The following CNTNAP2 variants were observed in gnomAD, a reference collection of about 807,000 sequenced individuals.
CNTNAP2 encodes the protein contactin-associated protein-like 2.
Under a neutral mutation model 155.2 loss-of-function variants are expected in CNTNAP2, and 98 were observed. The ratio of observed to expected loss-of-function variants is 0.63; its 90% confidence interval spans 0.54 to 0.75. CNTNAP2 has a LOEUF of 0.75. Among genes scored for constraint, CNTNAP2 ranks in the 30% least tolerant of loss-of-function variants. CNTNAP2 has a pLI of 0.00. For synonymous variants in CNTNAP2, 651 were observed against 631.2 expected, an observed-to-expected ratio of 1.03 and a Z score of -0.47; for missense variants, 1,727 against 1,688.1, an observed-to-expected ratio of 1.02 and a Z score of -0.40.
chr7:148,227,000 T>C (rs1391373667), intron 19 of CNTNAP2, among the ~76,000 whole-genome samples: 2 of 152,196 alleles, frequency 1.3e-5, no homozygotes, highest in Non-Finnish European at 2.9e-5. Context: ...AGGATCAAGT[T>C]TGCTGCAGAC....
At chr7:146,528,779 A>C (rs1797726800) in intron 1 of CNTNAP2, among the ~76,000 whole-genome samples, 1 of 152,146 alleles carries the variant, frequency 6.6e-6, no homozygotes, top group Non-Finnish European at 1.5e-5. Context: ...CATTCTTGTC[A>C]ACATATGAGA....
At chr7:146,195,591 T>G (rs543379555) in intron 1 of CNTNAP2, among the ~76,000 whole-genome samples, 91 of 152,360 alleles carry the variant, frequency 6.0e-4, no homozygotes, top group African/African-American at 2.1e-3. Context: ...ACTCTGTTAA[T>G]AGTTTTGCTA....
chr7:146,767,640 A>G (rs371710156), intron 1 of CNTNAP2, among the ~76,000 whole-genome samples: 7 of 152,170 alleles, frequency 4.6e-5, no homozygotes, highest in African/African-American at 1.7e-4. Context: ...AAATGGGAGG[A>G]AAATATGGTA....
intron 3 of CNTNAP2, among the ~76,000 whole-genome samples, chr7:146,869,448 C>T (rs984267345): frequency 7.9e-5 from 12 of 151,962 alleles, no homozygotes; most frequent in African/African-American, 2.9e-4. Context: ...TCTAGAGGGA[C>T]AGAACTGAAT....
At chr7:146,983,582 A>G (rs1192094993) in intron 3 of CNTNAP2, among the ~76,000 whole-genome samples, 9 of 152,324 alleles carry the variant, frequency 5.9e-5, no homozygotes, top group Admixed American at 3.9e-4. Flanking sequence ...CTTCCATATT[A>G]CATTTGAATC....
chr7:147,839,164 G>C (rs1266127023), intron 13 of CNTNAP2, among the ~76,000 whole-genome samples: 1 of 152,048 alleles, frequency 6.6e-6, no homozygotes, highest in African/African-American at 2.4e-5. Flanking sequence ...TTTTATTTTG[G>C]CTATGCTGGC....
chr7:147,585,409 A>G (rs1800598615), intron 12 of CNTNAP2, among the ~76,000 whole-genome samples: 1 of 149,616 alleles, frequency 6.7e-6, no homozygotes, highest in Non-Finnish European at 1.5e-5. Flanking sequence ...TATATTTGAT[A>G]TAAAATTATA....
intron 1 of CNTNAP2, among the ~76,000 whole-genome samples, chr7:146,149,879 GAA>G (rs377385260): frequency 2.5e-4 from 15 of 59,554 alleles, no homozygotes; most frequent in Admixed American, 2.0e-3. Flanking sequence ...TAGCCACAAA[GAA>G]AAAAAAAAAA....
intron 1 of CNTNAP2, among the ~76,000 whole-genome samples, chr7:146,611,726 TAATTTA>T (rs1172547953): frequency 1.3e-5 from 2 of 152,206 alleles, no homozygotes; most frequent in Non-Finnish European, 2.9e-5. Context: ...AGGGAATATA[TAATTTA>T]AATTACATAT....
chr7:147,976,164 G>T (rs1801423316), intron 14 of CNTNAP2, among the ~76,000 whole-genome samples: 1 of 152,102 alleles, frequency 6.6e-6, no homozygotes, highest in Admixed American at 6.5e-5. Context: ...CATACAAAAA[G>T]AAGTGATGGG....
intron 1 of CNTNAP2, among the ~76,000 whole-genome samples, chr7:146,770,213 G>T (rs565630560): frequency 6.6e-6 from 1 of 151,478 alleles, no homozygotes; most frequent in African/African-American, 2.4e-5. Flanking sequence ...ATTTATTACT[G>T]CCACTTATGG....
intron 13 of CNTNAP2, among the ~76,000 whole-genome samples, chr7:147,666,347 C>A (rs915803148): frequency 3.3e-5 from 5 of 152,172 alleles, no homozygotes; most frequent in Non-Finnish European, 7.3e-5. Context: ...ATTCTTAACA[C>A]CTAGTGATGT....
chr7:146,489,636 C>T (rs1177373711), intron 1 of CNTNAP2, among the ~76,000 whole-genome samples: 2 of 152,126 alleles, frequency 1.3e-5, no homozygotes, highest in Non-Finnish European at 2.9e-5. Flanking sequence ...ACTTGGCCTG[C>T]GTGTGCTACA....
At chr7:146,793,359 G>C (rs879701571) in intron 2 of CNTNAP2, among the ~76,000 whole-genome samples, 6 of 152,138 alleles carry the variant, frequency 3.9e-5, no homozygotes, top group Non-Finnish European at 7.4e-5. Context: ...TCAGGCATGT[G>C]TTAGTCCTTC....
At chr7:146,609,396 G>T (rs1799099177) in intron 1 of CNTNAP2, among the ~76,000 whole-genome samples, 2 of 152,104 alleles carry the variant, frequency 1.3e-5, no homozygotes, top group African/African-American at 4.8e-5. Flanking sequence ...TAGTCCAAGG[G>T]TCATTCTGAA....
chr7:146,517,519 G>A (rs919126663), intron 1 of CNTNAP2, among the ~76,000 whole-genome samples: 7 of 152,068 alleles, frequency 4.6e-5, no homozygotes, highest in Admixed American at 4.6e-4. Flanking sequence ...GCTTGAATGT[G>A]GAATGGACAG....
chr7:147,179,860 A>C (rs1802419421), intron 8 of CNTNAP2, among the ~76,000 whole-genome samples: 1 of 151,578 alleles, frequency 6.6e-6, no homozygotes, highest in Non-Finnish European at 1.5e-5. Context: ...GATCTTGAGG[A>C]CAAGAGGCAT....
At chr7:147,475,644 A>C (rs1307765077) in intron 10 of CNTNAP2, among the ~76,000 whole-genome samples, 1 of 152,180 alleles carries the variant, frequency 6.6e-6, no homozygotes. Flanking sequence ...ATTTAAAAAA[A>C]AAATATGTAG....
intron 9 of CNTNAP2, among the ~76,000 whole-genome samples, chr7:147,383,101 ATACT>A (rs1188941817): frequency 6.6e-6 from 1 of 150,880 alleles, no homozygotes; most frequent in African/African-American, 2.5e-5. Flanking sequence ...AAAAAAAGTG[ATACT>A]TAATATTACA....
Sources: gnomAD v4.1 joint callset for allele counts (sites outside exome capture counted in the v4.1 genomes callset) on GRCh38, gnomAD v4.1.1 for gene constraint, MANE v1.5 for transcripts, NCBI Gene and HGNC (gene_info 2026-07-23, HGNC 2026-07-21) for gene names.